COPS9: variants seen among roughly 807,000 people sequenced by gnomAD.
COPS9 encodes the protein COP9 signalosome subunit 9.
In COPS9, 8 loss-of-function variants were observed where a neutral mutation model predicts 7.2. The observed-to-expected ratio is 1.11, with a 90% confidence interval of 0.65 to 2.00. The LOEUF is 2.00. Among genes scored for constraint, COPS9 ranks in the 30% most tolerant of loss-of-function variants. The pLI is 0.00. For synonymous variants in COPS9, 39 were observed against 28.7 expected (o/e 1.36, Z -1.14); for missense variants, 74 against 77.7 (o/e 0.95, Z 0.18).
downstream of COPS9, among the ~76,000 whole-genome samples, chr2:240,127,132 T>C (rs1014542207): frequency 6.6e-5 from 10 of 152,182 alleles, no homozygotes; most frequent in African/African-American, 1.2e-4. Flanking sequence ...ACAGGCTTGC[T>C]AGTAATAATT....
intron 2 of COPS9, among the ~76,000 whole-genome samples, 182 bp downstream of exon 2, chr2:240,133,751 T>G (rs2071944881): frequency 6.6e-6 from 1 of 152,208 alleles, no homozygotes; most frequent in South Asian, 2.1e-4. Context: ...AAAATAAGGC[T>G]GCCTGCCAGT....
intron 2 of COPS9, 23 bp from the exon 3 acceptor site, chr2:240,131,111 G>A (rs377520178): frequency 1.7e-4 from 274 of 1,610,254 alleles, no homozygotes; most frequent in Non-Finnish European, 2.2e-4. Context: ...GCAAAACCAC[G>A]TAGTTACACC....
At position 240,133,985 on chromosome 2, in the gene COPS9, G is replaced by GGC; in HGVS notation, c.83_84insGC (p.Leu29ProfsTer2). 1 of 1,614,174 alleles carries GGC rather than the reference G, an allele frequency of 6.2e-7. No individual in the cohort carries two copies. Among genetic ancestry groups the GGC allele is most frequent in the Non-Finnish European group, 8.5e-7 (1 of 1,180,018 alleles). On this transcript the variant is annotated frameshift_variant, in exon 2 of 3. Coordinates refer to ENST00000607357, the MANE Select transcript of COPS9 (RefSeq NM_001163424.2). LOFTEE classifies it high-confidence loss of function. ...TTTCATTGGCTGCCAAGTCCATCAA[G>GGC]AGCCCGGTGCTGCCTCCCGCCTGGG...
At chr2:240,135,500 T>C (rs947018047) in intron 1 of COPS9, among the ~76,000 whole-genome samples, 1 of 152,140 alleles carries the variant, frequency 6.6e-6, no homozygotes, top group African/African-American at 2.4e-5. Context: ...GGCCCTGACA[T>C]GTAGGAGCTG....
intron 2 of COPS9, among the ~76,000 whole-genome samples, chr2:240,131,804 A>G (rs970313729): frequency 6.6e-6 from 1 of 152,204 alleles, no homozygotes; most frequent in Non-Finnish European, 1.5e-5. Context: ...AAGCCCACCC[A>G]CATGTACTGC....
chr2:240,134,099 A>T, intron 1 of COPS9, 94 bp from the exon 2 acceptor site: 2 of 1,159,636 alleles, frequency 1.7e-6, no homozygotes, highest in African/African-American at 1.5e-5. Context: ...CAAAAAAAGA[A>T]GATGGGTGAG....
upstream of COPS9, chr2:240,136,338 C>G: frequency 6.6e-7 from 1 of 1,516,248 alleles, no homozygotes; most frequent in Non-Finnish European, 8.8e-7. Flanking sequence ...GCTTCCGGCG[C>G]GCGCCACATG....
chr2:240,133,139 A>G (rs1184647042), intron 2 of COPS9, among the ~76,000 whole-genome samples: 1 of 152,234 alleles, frequency 6.6e-6, no homozygotes, highest in East Asian at 1.9e-4. Flanking sequence ...CTCAGGTCCT[A>G]GCTGTTAACT....
chr2:240,130,020 C>A, downstream of COPS9: 1 of 1,612,912 alleles, frequency 6.2e-7, no homozygotes, highest in South Asian at 1.1e-5. Flanking sequence ...CCTGGGCAGT[C>A]CTGAGCTGCT....
chr2:240,133,988 C>T lies in COPS9; in HGVS notation c.81G>A (p.Gly27=), dbSNP rs753018262. 1 of 1,614,028 alleles carries T rather than the reference C, an allele frequency of 6.2e-7. No individual in the cohort carries two copies. Among genetic ancestry groups the T allele is most frequent in the African/African-American group, 1.3e-5 (1 of 74,890 alleles). Residue 27 remains glycine, a synonymous_variant, in exon 2 of 3, where the codon GGG becomes GGA. Transcript: ENST00000607357. ...VDLDEAGGST[G]LLMDLAANEK... The stretch of plus-strand genomic sequence containing the variant: ...CATTGGCTGCCAAGTCCATCAAGAG[C>T]CCGGTGCTGCCTCCCGCCTGGGGAA...
downstream of COPS9, chr2:240,130,725 C>A (rs1457276502): frequency 1.6e-5 from 17 of 1,057,304 alleles, no homozygotes; most frequent in Non-Finnish European, 2.0e-5. Context: ...GTTCTCTCAG[C>A]GTGCTGACAG....
chr2:240,128,305 G>C (rs28590309), downstream of COPS9, among the ~76,000 whole-genome samples: 50,478 of 152,138 alleles, frequency 0.33, 8,645 homozygotes, highest in African/African-American at 0.39. Flanking sequence ...TGGGCAGGCA[G>C]AAACAGGAAG....
chr2:240,130,315 G>A (rs776040071), downstream of COPS9, among the ~76,000 whole-genome samples: 18 of 152,208 alleles, frequency 1.2e-4, no homozygotes, highest in Non-Finnish European at 2.5e-4. Flanking sequence ...TTCACTTCGA[G>A]ATGGATGTCA....
At position 240,132,005 on chromosome 2, in the gene COPS9, G is replaced by A. The variant is rs377743902; in HGVS notation, c.137-917C>T. ...CCCAGCCACACTGATGCACCCCCAC[G>A]TCCTCACTGCCTCCCGACTGCTGGT... is the stretch of plus-strand genomic sequence containing the variant. On this transcript the variant is annotated intron_variant, in intron 2 of 2. Transcript: ENST00000607357. The surrounding 1 kb of genome is among the most constrained non-coding windows in gnomAD (Gnocchi z 4.1). Among the ~76,000 whole-genome samples the A allele has an allele frequency of 6.6e-6, 1 of 152,152 alleles. No homozygotes were observed. Among genetic ancestry groups the A allele is most frequent in the Admixed American group, 6.5e-5 (1 of 15,280 alleles).
chr2:240,129,882 A>C, downstream of COPS9: 2 of 1,597,710 alleles, frequency 1.3e-6, no homozygotes, highest in South Asian at 1.1e-5. Flanking sequence ...GGCCCAGTGC[A>C]GACCTTCTTA....
intron 2 of COPS9, 104 bp from the exon 3 acceptor site, chr2:240,131,192 T>C: frequency 1.6e-6 from 2 of 1,272,246 alleles, no homozygotes; most frequent in Admixed American, 2.2e-5. Flanking sequence ...GAGATAATCG[T>C]CAATGATCCA....
At chr2:240,136,055 C>T in intron 1 of COPS9, 167 bp downstream of exon 1, 1 of 1,141,248 alleles carries the variant, frequency 8.8e-7, no homozygotes, top group Non-Finnish European at 1.2e-6. Context: ...TCACCAGGTG[C>T]TCGGAGAAAC....
chr2:240,126,896 C>T (rs79464938), downstream of COPS9: 22,383 of 1,614,090 alleles, frequency 0.014, 326 homozygotes, highest in East Asian at 0.07. Flanking sequence ...TGCTCCCAAA[C>T]GCTCTGTCCA....
chr2:240,129,930 C>T (rs747395979), downstream of COPS9: 22 of 1,613,834 alleles, frequency 1.4e-5, no homozygotes, highest in Admixed American at 1.7e-5. Context: ...CACCACAGGC[C>T]GCTCTGCTGC....
Sources: allele counts gnomAD v4.1 joint callset (sites outside exome capture counted in the v4.1 genomes callset), GRCh38; gene constraint gnomAD v4.1.1; non-coding constraint Gnocchi (gnomAD v3.1); transcripts MANE v1.5; gene names NCBI Gene and HGNC (gene_info 2026-07-23, HGNC 2026-07-21).